TES: variants seen among roughly 807,000 people sequenced by gnomAD.
TES encodes testin LIM domain protein.
Under a neutral mutation model 48.2 loss-of-function variants are expected in TES, and 41 were observed. The observed-to-expected ratio is 0.85, with a 90% CI of 0.66 to 1.10. The LOEUF is 1.10. Among genes scored for constraint, TES ranks in the 50% least tolerant of loss-of-function variants. The pLI is 0.00. For missense variants in TES, 463 were observed against 515.1 expected (o/e 0.90, Z 0.98); for synonymous variants, 162 against 174.9 (o/e 0.93, Z 0.58).
chr7:116,254,544 G>A (rs1395526459), intron 6 of TES, among the ~76,000 whole-genome samples: 1 of 152,056 alleles, frequency 6.6e-6, no homozygotes, highest in Non-Finnish European at 1.5e-5. Flanking sequence ...GACCAGCCTG[G>A]CCAACATGGT....
chr7:116,238,616 T>TTATTATTA lies in TES; in HGVS notation c.113+3998_113+3999insATTATTAT, dbSNP rs766170427. ...TATTATTATTATTATTATTATTATTTTTGAGATGGGGTTTCACCCTTGTTG... is the reference window on the plus strand; with the variant it reads ...TATTATTATTATTATTATTATTATTTTATTATTATTGAGATGGGGTTTCACCCTTGTTG... On this transcript the variant is annotated intron_variant, in intron 2 of 6. Coordinates refer to ENST00000358204, the MANE Select transcript of TES (RefSeq NM_015641.4). 8.3e-3 allele frequency among the ~76,000 whole-genome samples: 767 copies of TTATTATTA among 92,728 alleles called. 5 individuals are homozygous for TTATTATTA. The highest frequency in any genetic ancestry group is 0.022 in the South Asian group (68 of 3,150). 60.8% of individuals were successfully genotyped at this position (92,728 alleles called of 152,430 possible). A position where few individuals can be genotyped will look rare whatever the true frequency, so the allele number is the denominator to read the frequency against.
At chr7:116,229,018 A>AGT (rs1187847230) in intron 1 of TES, among the ~76,000 whole-genome samples, 1 of 136,148 alleles carries the variant, frequency 7.3e-6, no homozygotes, top group African/African-American at 2.7e-5. Context: ...ATATATATAT[A>AGT]TATATATATA....
Position 116,252,629 on chromosome 7 carries a change from T to C in TES, c.1077+153T>C, listed in dbSNP as rs562278918. The C allele has an allele frequency of 3.4e-5, 36 of 1,063,308 alleles. 1 individual carries two copies. The Admixed American group carries it at 5.2e-4, about 15-fold the overall frequency. 65.9% of individuals were successfully genotyped at this position (1,063,308 alleles called of 1,614,324 possible). A position where few individuals can be genotyped will look rare whatever the true frequency, so the allele number is the denominator to read the frequency against. On this transcript the variant is annotated intron_variant, in intron 6 of 6. Coordinates refer to ENST00000358204, the MANE Select transcript of TES (RefSeq NM_015641.4). ...CCACAGGGTGTTAAAATCAAGGCAA[T>C]TCAAAAACAATACATGCATTGACTA...
At chr7:116,248,493 A>C (rs1169962219) in intron 2 of TES, among the ~76,000 whole-genome samples, 2 of 151,582 alleles carry the variant, frequency 1.3e-5, no homozygotes, top group East Asian at 3.9e-4. Flanking sequence ...GACTGATGGA[A>C]GATGGCATCT....
At chr7:116,249,520 A>C in intron 3 of TES, 1 of 424,834 alleles carries the variant, frequency 2.4e-6, no homozygotes, top group Non-Finnish European at 4.2e-6. Flanking sequence ...TAATAATTAG[A>C]TGGAAATCAG....
rs60510276 is a variant in TES, at chr7:116,242,507, A to ATCTC, written c.114-6485_114-6482dup. On this transcript the variant is annotated intron_variant, in intron 2 of 6. Coordinates refer to ENST00000358204, the MANE Select transcript of TES (RefSeq NM_015641.4). Reference sequence around the variant, plus strand: ...AAAGCAATTTGCCTCTTCACCACCTATCTCTCTCTCTCTCTCTCTCTCTCT... The same window carrying ATCTC: ...AAAGCAATTTGCCTCTTCACCACCTATCTCTCTCTCTCTCTCTCTCTCTCTCTCT... Among the ~76,000 whole-genome samples the ATCTC allele has an allele frequency of 4.3e-3, 613 of 141,956 alleles. 3 individuals carry two copies. The highest frequency in any genetic ancestry group is 0.014 in the Middle Eastern group (4 of 276). 93.1% of individuals were successfully genotyped at this position (141,956 alleles called of 152,430 possible).
chr7:116,230,456 G>T (rs115398962), intron 1 of TES, among the ~76,000 whole-genome samples: 1 of 152,296 alleles, frequency 6.6e-6, no homozygotes, highest in East Asian at 1.9e-4. Context: ...TTTCCAGAGC[G>T]GCCTACAGAG....
Position 116,242,125 on chromosome 7 carries a change from C to T in TES, c.114-6895C>T, listed in dbSNP as rs536552027. Among the ~76,000 whole-genome samples the T allele has an allele frequency of 7.9e-5, 12 of 152,214 alleles. No homozygotes were observed. In the East Asian group the frequency reaches 2.3e-3, roughly 29 times the overall value. On this transcript the variant is annotated intron_variant, in intron 2 of 6. Coordinates refer to ENST00000358204, the MANE Select transcript of TES (RefSeq NM_015641.4). The stretch of plus-strand genomic sequence containing the variant: ...CAGTGTTTATTATACGGCCTCGATC[C>T]TTTAAGATACCACTTTGCTAATTAT...
chr7:116,217,681 A>G (rs189657276), intron 1 of TES: 4 of 402,676 alleles, frequency 9.9e-6, no homozygotes, highest in Admixed American at 5.8e-5. Context: ...ATTTTAAAGA[A>G]AAATAATTTG....
intron 2 of TES, among the ~76,000 whole-genome samples, chr7:116,237,706 C>CT (rs1799790504): frequency 6.6e-6 from 1 of 152,120 alleles, no homozygotes; most frequent in Non-Finnish European, 1.5e-5. Flanking sequence ...CAGAAATGTA[C>CT]TTTCTTCCAG....
At chr7:116,218,321 C>G (rs1799517579) in intron 1 of TES, among the ~76,000 whole-genome samples, 1 of 151,968 alleles carries the variant, frequency 6.6e-6, no homozygotes, top group Admixed American at 6.6e-5. Context: ...TGGCATTCAG[C>G]CCAGCAGAAA....
At position 116,252,430 on chromosome 7, in the gene TES, A is replaced by G. The variant is rs763288676; in HGVS notation, c.1031A>G (p.Asn344Ser). Residue 344 changes from asparagine to serine, a missense_variant, in exon 6 of 7, where the codon AAT becomes AGT. Asn to Ser is a conservative substitution (Grantham distance 46, BLOSUM62 1). Transcript: ENST00000358204. ...ILAGEIYVMVNDKPVCKPCYV... is the reference protein window; with the variant it reads ...ILAGEIYVMVSDKPVCKPCYV... ...GCTGGGGAGATATACGTGATGGTCA[A>G]TGACAAGCCCGTGTGCAAGCCCTGC... The G allele has an allele frequency of 3.2e-5, 51 of 1,614,102 alleles. No individual in the cohort carries two copies. The Middle Eastern group carries it at 6.6e-4, about 21-fold the overall frequency.
chr7:116,238,585 C>CATT (rs375782060), intron 2 of TES, among the ~76,000 whole-genome samples: 2,952 of 129,348 alleles, frequency 0.023, 40 homozygotes, highest in African/African-American at 0.035. Context: ...CAACATCCAT[C>CATT]ATTATTATTA....
At chr7:116,246,939 C>G (rs35686535) in intron 2 of TES, among the ~76,000 whole-genome samples, 27,416 of 137,636 alleles carry the variant, frequency 0.2, 3,006 homozygotes, top group East Asian at 0.43. Flanking sequence ...AAATCAGAGA[C>G]TAGGCCCCTT....
chr7:116,243,214 A>G (rs113915048), intron 2 of TES, among the ~76,000 whole-genome samples: 71 of 152,308 alleles, frequency 4.7e-4, no homozygotes, highest in African/African-American at 1.7e-3. Flanking sequence ...TTCTTAGCCT[A>G]ATTGTATCTA....
rs1240591274 is a variant in TES, at chr7:116,248,188, T to A, written c.114-832T>A. Among the ~76,000 whole-genome samples, 7 of 152,252 alleles carry A rather than the reference T, an allele frequency of 4.6e-5. No individual in the cohort carries two copies. The South Asian group carries it at 8.3e-4, about 18-fold the overall frequency. On this transcript the variant is annotated intron_variant, in intron 2 of 6. Transcript: ENST00000358204. Reference sequence around the variant, plus strand: ...GCTGCATAGTATTCTATGGTGAATATGTTCCACATTTTCTTTATCCAGTCT... The same window carrying A: ...GCTGCATAGTATTCTATGGTGAATAAGTTCCACATTTTCTTTATCCAGTCT...
intron 2 of TES, among the ~76,000 whole-genome samples, chr7:116,236,462 T>A (rs1799773038): frequency 6.6e-6 from 1 of 152,120 alleles, no homozygotes; most frequent in African/African-American, 2.4e-5. Flanking sequence ...GAAACAGAAA[T>A]TAATTTTATG....
chr7:116,243,787 C>T (rs1329521785), intron 2 of TES: 1 of 152,100 alleles, frequency 6.6e-6, no homozygotes, highest in African/African-American at 2.4e-5. Context: ...CTCAGTTAGT[C>T]AAGACATACC....
At chr7:116,248,644 TTGTTGAA>T (rs1022738228) in intron 2 of TES, among the ~76,000 whole-genome samples, 8 of 152,152 alleles carry the variant, frequency 5.3e-5, no homozygotes, top group Non-Finnish European at 1.2e-4. Flanking sequence ...TGTCTTTTGC[TTGTTGAA>T]TTGTTCCTTA....
Sources: gnomAD v4.1 joint callset for allele counts (sites outside exome capture counted in the v4.1 genomes callset) on GRCh38, gnomAD v4.1.1 for gene constraint, MANE v1.5 for transcripts, NCBI Gene and HGNC (gene_info 2026-07-23, HGNC 2026-07-21) for gene names.